CRELD1: variants seen among roughly 807,000 people sequenced by gnomAD.
The protein encoded by CRELD1 is CRELD disulfide isomerase 1.
A neutral mutation model predicts 58.2 loss-of-function variants in CRELD1; 42 were observed. The ratio of observed to expected loss-of-function variants is 0.72; its 90% CI spans 0.56 to 0.93. The LOEUF is 0.93. CRELD1 is among the 40% of genes least tolerant of loss of function. The pLI, the probability that CRELD1 is intolerant of heterozygous loss-of-function variation, is 0.00. For missense variants in CRELD1, 500 were observed against 540.6 expected (o/e 0.92, Z 0.74); for synonymous variants, 222 against 202.0 (o/e 1.10, Z -0.84).
At chr3:9,941,357 C>CT in intron 7 of CRELD1, 151 bp downstream of exon 7, 1 of 651,438 alleles carries the variant, frequency 1.5e-6, no homozygotes, top group Admixed American at 2.7e-5. Context: ...TAACCAGATA[C>CT]TTACAGTCCA....
At position 9,944,976 on chromosome 3, in the gene CRELD1, C is replaced by A; in HGVS notation, c.*397C>A. Reference sequence around the variant, plus strand: ...TCTGTGTTCACCACATCCCCACACCCCATTGCCACTTATTTATTCATCTCA... The same window carrying A: ...TCTGTGTTCACCACATCCCCACACCACATTGCCACTTATTTATTCATCTCA... On this transcript the variant is annotated 3_prime_UTR_variant, in exon 11 of 11. Transcript: ENST00000452070. 1 of 281,694 alleles carries A rather than the reference C, an allele frequency of 3.5e-6. No individual in the cohort carries two copies. The highest frequency in any genetic ancestry group is 7.0e-6 in the Non-Finnish European group (1 of 143,832). The allele number at this position is 281,694 out of a possible 1,614,324, so 17.4% of individuals were successfully genotyped here.
intron 5 of CRELD1, 91 bp downstream of exon 5, chr3:9,938,197 C>T (rs1315965749): frequency 3.0e-6 from 3 of 990,926 alleles, no homozygotes; most frequent in Admixed American, 3.8e-5. Flanking sequence ...TGTGTGAACT[C>T]AGGCTACTCA....
rs73118369 is a variant in CRELD1, at chr3:9,943,538, G to T, written c.1048+23G>T. ...CAGGTGAGCCCTGGGGCGGGAGAGGGGAGGTCCTCATTCAAAGAGAAGGCA... is the reference window on the plus strand; with the variant it reads ...CAGGTGAGCCCTGGGGCGGGAGAGGTGAGGTCCTCATTCAAAGAGAAGGCA... On this transcript the variant is annotated intron_variant, in intron 10 of 10. Coordinates refer to ENST00000452070, the MANE Select transcript of CRELD1 (RefSeq NM_001077415.3). 2,749 of 1,613,906 alleles carry T rather than the reference G, an allele frequency of 1.7e-3. 41 individuals are homozygous for T. The African/African-American group carries it at 0.032, about 19-fold the overall frequency.
At chr3:9,944,248 C>G in intron 10 of CRELD1, 117 bp from the exon 11 acceptor site, 1 of 954,068 alleles carries the variant, frequency 1.0e-6, no homozygotes, top group South Asian at 1.3e-5. Context: ...GTGTGCCTGG[C>G]TTGCTGGGCA....
chr3:9,943,346 C>G (rs1369001255), intron 9 of CRELD1, 35 bp from the exon 10 acceptor site: 1 of 1,613,368 alleles, frequency 6.2e-7, no homozygotes, highest in Admixed American at 1.7e-5. Flanking sequence ...GGGTGGGGGG[C>G]CCTAGCAGGA....
chr3:9,940,730 G>A (rs1315721104), intron 5 of CRELD1, 120 bp from the exon 6 acceptor site: 1 of 658,028 alleles, frequency 1.5e-6, no homozygotes, highest in South Asian at 1.7e-5. Context: ...GAAAGGGGGA[G>A]GGGGAGGGGA....
At chr3:9,944,173 T>C in intron 10 of CRELD1, 192 bp from the exon 11 acceptor site, 2 of 792,094 alleles carry the variant, frequency 2.5e-6, no homozygotes, top group Admixed American at 1.7e-5. Context: ...TGAGCCTCAC[T>C]TTCCCATTTA....
At chr3:9,940,171 C>T (rs1295998504) in intron 5 of CRELD1, among the ~76,000 whole-genome samples, 1 of 151,890 alleles carries the variant, frequency 6.6e-6, no homozygotes, top group African/African-American at 2.4e-5. Flanking sequence ...AGAGACGCTC[C>T]TCACTTTCCA....
chr3:9,939,958 G>T (rs2085304951), intron 5 of CRELD1, among the ~76,000 whole-genome samples: 1 of 151,850 alleles, frequency 6.6e-6, no homozygotes, highest in Admixed American at 6.6e-5. Context: ...GGCCGGGCGG[G>T]GGGCTGACCC....
rs577561843 is a variant in CRELD1 at position 9,934,817 on chromosome 3, C to T, written c.175-18C>T. Reference sequence around the variant, plus strand: ...TGCCAGGCACTGTACTTAGCTATTACTAATTTTCTGTTTCCAGGGCCTGGA... The same window carrying T: ...TGCCAGGCACTGTACTTAGCTATTATTAATTTTCTGTTTCCAGGGCCTGGA... On this transcript the variant is annotated intron_variant, in intron 2 of 10. Transcript: ENST00000452070. 4.4e-6 allele frequency: 7 copies of T among 1,606,036 alleles called. No homozygotes were observed. In the African/African-American group the frequency reaches 5.3e-5, roughly 12 times the overall value.
chr3:9,936,553 A>G (rs947584679), intron 3 of CRELD1, among the ~76,000 whole-genome samples: 24 of 62,948 alleles, frequency 3.8e-4, no homozygotes, highest in African/African-American at 1.2e-3. Context: ...ATATATGCGT[A>G]TATATATATA....
In CRELD1 at chr3:9,934,412, A is replaced by G. The variant is rs2085102899; in HGVS notation, c.-19-8A>G. 6.2e-7 allele frequency: 1 copy of G among 1,608,394 alleles called. No homozygotes were observed. Among genetic ancestry groups the G allele is most frequent in the South Asian group, 1.1e-5 (1 of 90,950 alleles). The stretch of plus-strand genomic sequence containing the variant: ...TCAGTGAAGCCTCTCCACGCCCTCT[A>G]TCTGCAGGTCCCCAGCCTGGGTAAA... On this transcript the variant is annotated splice_region_variant and splice_polypyrimidine_tract_variant and intron_variant, in intron 1 of 10. Coordinates refer to ENST00000452070, the MANE Select transcript of CRELD1 (RefSeq NM_001077415.3).
intron 7 of CRELD1, among the ~76,000 whole-genome samples, chr3:9,942,530 A>G (rs879459729): frequency 2.0e-5 from 3 of 152,156 alleles, no homozygotes; most frequent in Admixed American, 6.5e-5. Flanking sequence ...GAGGAGTCCA[A>G]GCATTGTTTT....
intron 4 of CRELD1, 22 bp downstream of exon 4, chr3:9,937,694 C>T: frequency 6.5e-7 from 1 of 1,538,486 alleles, no homozygotes; most frequent in Non-Finnish European, 8.9e-7. Context: ...AGGGCCTTCC[C>T]TGGAAGTGGG....
At chr3:9,938,866 A>T (rs988083157) in intron 5 of CRELD1, among the ~76,000 whole-genome samples, 3 of 151,852 alleles carry the variant, frequency 2.0e-5, no homozygotes, top group African/African-American at 7.3e-5. Context: ...TCTCAAAAAA[A>T]AAAAAGAAAA....
At chr3:9,936,501 A>G (rs543151596) in intron 3 of CRELD1, among the ~76,000 whole-genome samples, 11 of 142,876 alleles carry the variant, frequency 7.7e-5, no homozygotes, top group African/African-American at 2.2e-4. Context: ...ATGTGTGTGT[A>G]TATATATGTG....
intron 5 of CRELD1, among the ~76,000 whole-genome samples, chr3:9,940,305 G>T (rs2124845072): frequency 6.6e-6 from 1 of 152,262 alleles, no homozygotes; most frequent in African/African-American, 2.4e-5. Context: ...ACTTTGGGAG[G>T]CCAAGGCAGG....
intron 4 of CRELD1, 62 bp downstream of exon 4, chr3:9,937,734 ATTTGG>A: frequency 1.6e-6 from 2 of 1,215,320 alleles, no homozygotes; most frequent in Non-Finnish European, 2.4e-6. Flanking sequence ...ATAAGGCCTG[ATTTGG>A]CCGAGAAGCA....
chr3:9,938,200 G>C (rs975984863), intron 5 of CRELD1, 94 bp downstream of exon 5: 2 of 993,258 alleles, frequency 2.0e-6, no homozygotes, highest in Non-Finnish European at 3.1e-6. Flanking sequence ...GTGAACTCAG[G>C]CTACTCAGAT....
Sources: allele counts gnomAD v4.1 joint callset (sites outside exome capture counted in the v4.1 genomes callset), GRCh38; gene constraint gnomAD v4.1.1; transcripts MANE v1.5; gene names NCBI Gene and HGNC (gene_info 2026-07-23, HGNC 2026-07-21).